The following TAF1 variants were observed in gnomAD, a reference collection of about 807,000 sequenced individuals.
The protein encoded by TAF1 is transcription initiation factor TFIID subunit 1.
TAF1 carries 2 observed loss-of-function variants against 138.5 expected under a neutral mutation model. The ratio of observed to expected loss-of-function variants is 0.01; its 90% CI spans 0.01 to 0.05. TAF1 has a LOEUF of 0.05. Ranked by LOEUF, TAF1 falls within the 10% of genes least tolerant of loss-of-function variation. The pLI, the probability that TAF1 is intolerant of heterozygous loss-of-function variation, is 1.00. For missense variants in TAF1, 709 were observed against 1,478.0 expected (o/e 0.48, Z 8.53); for synonymous variants, 437 against 503.2 (o/e 0.87, Z 1.76).
chrX:71,505,235 A>G (rs1255360357), intron 13 of TAF1, among the ~76,000 whole-genome samples: 1 of 111,913 alleles, frequency 8.9e-6, no homozygotes, highest in Non-Finnish European at 1.9e-5. Context: ...TCTTTAATGC[A>G]GAAGGATTCC....
rs777765957 is a variant in TAF1 at position 71,385,068 on chromosome X, T to G, written c.2226+19T>G. The G allele has an allele frequency of 3.5e-6, 4 of 1,129,834 alleles. No homozygotes were observed. The South Asian group carries it at 7.6e-5, about 21-fold the overall frequency. 93.1% of individuals were successfully genotyped at this position (1,129,834 alleles called of 1,213,427 possible). On this transcript the variant is annotated intron_variant, in intron 14 of 37. Transcript: ENST00000423759. ...GCTGCAAGTGAGGAATTCTTTCCTGTTTTTACTGTTAACTAAGGAAATTGA... is the reference window on the plus strand; with the variant it reads ...GCTGCAAGTGAGGAATTCTTTCCTGGTTTTACTGTTAACTAAGGAAATTGA...
intron 3 of TAF1, among the ~76,000 whole-genome samples, chrX:71,370,333 T>G: frequency 9.0e-6 from 1 of 111,102 alleles, no homozygotes. Context: ...GTTCTACCTC[T>G]CACTGCTTGA....
At chrX:71,442,256 G>C (rs1393303615) in intron 32 of TAF1, among the ~76,000 whole-genome samples, 1 of 112,391 alleles carries the variant, frequency 8.9e-6, no homozygotes, top group African/African-American at 3.2e-5. Context: ...CTTCCACAAT[G>C]ATTGAACTGG....
At chrX:71,491,561 A>G (rs2039284256) in intron 13 of TAF1, 2 of 111,525 alleles carry the variant, frequency 1.8e-5, no homozygotes, top group Non-Finnish European at 1.9e-5. Flanking sequence ...AAATGTTGAT[A>G]ACAGACCATT....
rs1217679135 is a variant in TAF1 at position 71,377,053 on chromosome X, G to T, written c.576G>T (p.Glu192Asp). The change falls in exon 5 of 38, where the codon GAG (glutamate) becomes GAT (aspartate). Residue 192 changes from glutamate (E) to aspartate (D), a missense_variant. Physicochemically the swap from Glu to Asp is conservative, Grantham distance 45. Around this residue, in one of 14 missense-constraint regions of TAF1, gnomAD observed 123 missense variants for 161.6 expected, o/e 0.76. Coordinates refer to ENST00000423759, the MANE Select transcript of TAF1 (RefSeq NM_004606.5). ...GTAGTTCCTCTGACTCAGAATCTGAGATGGGACCTCAGGAAGCAACACAGG... is the reference window on the plus strand; with the variant it reads ...GTAGTTCCTCTGACTCAGAATCTGATATGGGACCTCAGGAAGCAACACAGG... ...DFSSSSDSES[E>D]MGPQEATQAE... 8.3e-7 allele frequency: 1 copy of T among 1,211,759 alleles called. No individual in the cohort carries two copies.
At chrX:71,520,174 C>T (rs1050315205) in intron 13 of TAF1, among the ~76,000 whole-genome samples, 1 of 102,755 alleles carries the variant, frequency 9.7e-6, no homozygotes, top group Non-Finnish European at 2.0e-5. Flanking sequence ...GATGGAGTCT[C>T]GCTCTGTTGC....
At chrX:71,451,702 C>T (rs1473085585) in intron 32 of TAF1, among the ~76,000 whole-genome samples, 23 of 109,896 alleles carry the variant, frequency 2.1e-4, no homozygotes, top group Admixed American at 2.0e-3. Context: ...TGCCTTCAAG[C>T]GTCTGTTTAA....
chrX:71,389,799 C>T (rs963332674), intron 18 of TAF1, 134 bp downstream of exon 18: 1 of 445,651 alleles, frequency 2.2e-6, no homozygotes, highest in Non-Finnish European at 3.6e-6. Flanking sequence ...TTGCTTTATT[C>T]ATGCCAGAAA....
intron 14 of TAF1, among the ~76,000 whole-genome samples, chrX:71,385,591 C>G (rs1181332069): frequency 9.0e-6 from 1 of 110,896 alleles, no homozygotes; most frequent in African/African-American, 3.3e-5. Context: ...CTCTAGCACT[C>G]TCCCATCTTG....
chrX:71,508,344 A>G (rs1321000614), intron 13 of TAF1, among the ~76,000 whole-genome samples: 1 of 109,421 alleles, frequency 9.1e-6, no homozygotes, highest in African/African-American at 3.3e-5. Flanking sequence ...AATCCCAGCA[A>G]TTTGGGAGGC....
At chrX:71,430,819 C>T (rs1352190013) in intron 32 of TAF1, among the ~76,000 whole-genome samples, 2 of 110,556 alleles carry the variant, frequency 1.8e-5, no homozygotes, top group Non-Finnish European at 3.8e-5. Flanking sequence ...ATGAATAAAT[C>T]AAATGACCTC....
intron 25 of TAF1, among the ~76,000 whole-genome samples, chrX:71,402,130 T>A (rs1407971379): frequency 1.8e-5 from 2 of 111,988 alleles, no homozygotes; most frequent in East Asian, 2.8e-4. Context: ...CTTGTTGTGT[T>A]TTTTTTGAGA....
chrX:71,418,376 C>T (rs1260870762), intron 28 of TAF1, among the ~76,000 whole-genome samples: 1 of 112,816 alleles, frequency 8.9e-6, no homozygotes, highest in Non-Finnish European at 1.9e-5. Flanking sequence ...AGTTTACAGG[C>T]GTGAGCCACT....
At position 71,392,661 on chromosome X, in the gene TAF1, G is replaced by A. The variant is rs759265928; in HGVS notation, c.2874G>A (p.Thr958=). 2.0e-5 allele frequency: 24 copies of A among 1,207,130 alleles called. No individual in the cohort carries two copies. In the South Asian group the frequency reaches 2.3e-4, roughly 12 times the overall value. The change falls in exon 19 of 38, where the codon ACG becomes ACA. Residue 958 remains threonine (T), a synonymous_variant. Coordinates refer to ENST00000423759, the MANE Select transcript of TAF1 (RefSeq NM_004606.5). ...LLEVTGVADP[T]GCGEGFSYVK... is the part of the protein sequence containing the mutation. The stretch of plus-strand genomic sequence containing the variant: ...AGGTGACTGGGGTGGCAGATCCCAC[G>A]GGGTGTGGTGAAGGATTCTCCTATG...
chrX:71,487,100 C>CT (rs759544384), intron 13 of TAF1, among the ~76,000 whole-genome samples: 19 of 97,643 alleles, frequency 1.9e-4, no homozygotes, highest in South Asian at 4.6e-4. Flanking sequence ...AAATTTCAGC[C>CT]TTTTTTTTTT....
At chrX:71,415,128 CTTTTTTTT>C (rs1158533765) in intron 28 of TAF1, among the ~76,000 whole-genome samples, 5 of 51,638 alleles carry the variant, frequency 9.7e-5, no homozygotes, top group Non-Finnish European at 1.8e-4. Flanking sequence ...AAAGTTTTGT[CTTTTTTTT>C]TTTTTTTTTT....
At chrX:71,506,254 G>C (rs2039623437) in intron 13 of TAF1, among the ~76,000 whole-genome samples, 1 of 108,229 alleles carries the variant, frequency 9.2e-6, no homozygotes, top group African/African-American at 3.4e-5. Flanking sequence ...AGCCGGGCAT[G>C]ATGGTGCATG....
At chrX:71,512,176 G>A (rs12558373) in intron 13 of TAF1, among the ~76,000 whole-genome samples, 3,014 of 110,367 alleles carry the variant, frequency 0.027, 203 homozygotes, top group Admixed American at 0.21. Flanking sequence ...TTAGCCGAAC[G>A]TGGTGGCTGG....
At position 71,459,405 on chromosome X, in the gene TAF1, T is replaced by G; in HGVS notation, c.5065-147T>G. On this transcript the variant is annotated intron_variant, in intron 35 of 37. Coordinates refer to ENST00000423759, the MANE Select transcript of TAF1 (RefSeq NM_004606.5). The stretch of plus-strand genomic sequence containing the variant: ...AATCCTTGGGACCAACTAAACAGTC[T>G]ATCCACCAAAAATAATTACTTAACT... The G allele has an allele frequency of 1.1e-5, 11 of 1,026,368 alleles. No individual in the cohort carries two copies. The South Asian group carries it at 2.7e-4, about 25-fold the overall frequency. 84.6% of individuals were successfully genotyped at this position (1,026,368 alleles called of 1,213,427 possible).
Sources: gnomAD v4.1 joint callset for allele counts (sites outside exome capture counted in the v4.1 genomes callset) on GRCh38, gnomAD v4.1.1 for gene constraint, gnomAD v4.1.1 regional missense constraint, MANE v1.5 for transcripts, NCBI Gene and HGNC (gene_info 2026-07-23, HGNC 2026-07-21) for gene names.